Variants in EPRS1 observed in about 807,000 individuals in gnomAD.
EPRS1 encodes glutamyl-prolyl-tRNA synthetase 1.
Under a neutral mutation model 188.3 loss-of-function variants are expected in EPRS1, and 107 were observed. The ratio of observed to expected loss-of-function variants is 0.57; its 90% confidence interval spans 0.49 to 0.67. The LOEUF (loss-of-function observed/expected upper bound fraction) is 0.67. Ranked by LOEUF, EPRS1 falls within the 30% of genes least tolerant of loss-of-function variation. The pLI is 0.00. For synonymous variants in EPRS1, 596 were observed against 593.1 expected, an observed-to-expected ratio of 1.00 and a Z score of -0.07; for missense variants, 1,577 against 1,802.2, an observed-to-expected ratio of 0.88 and a Z score of 2.26.
chr1:219,985,049 GAAAAAAA>G (rs1305874124), intron 20 of EPRS1, among the ~76,000 whole-genome samples: 1 of 95,216 alleles, frequency 1.1e-5, no homozygotes, highest in East Asian at 3.1e-4. Flanking sequence ...CGTCTCAAAA[GAAAAAAA>G]AAAAAAAAAG....
chr1:220,011,759 G>T (rs2102583941), intron 12 of EPRS1, among the ~76,000 whole-genome samples: 1 of 152,270 alleles, frequency 6.6e-6, no homozygotes, highest in South Asian at 2.1e-4. Flanking sequence ...CAAATCATCA[G>T]TAGCATCCCC....
rs572329162 is a variant in EPRS1 at position 220,032,332 on chromosome 1, C to A, written c.528+55G>T. 4.1e-6 allele frequency: 6 copies of A among 1,456,382 alleles called. No homozygotes were observed. In the Admixed American group the frequency reaches 1.1e-4, roughly 27 times the overall value. 90.2% of individuals were successfully genotyped at this position (1,456,382 alleles called of 1,614,324 possible). On this transcript the variant is annotated intron_variant, in intron 5 of 31. Coordinates refer to ENST00000366923, the MANE Select transcript of EPRS1 (RefSeq NM_004446.3). ...CAATCTCCTGACCTTGTGATCCGCC[C>A]GCCTCAGCCTCCCAAAGTGTTTTTT...
intron 12 of EPRS1, among the ~76,000 whole-genome samples, chr1:220,017,794 T>C (rs1051814119): frequency 6.6e-6 from 1 of 151,244 alleles, no homozygotes; most frequent in African/African-American, 2.4e-5. Context: ...TAAGAAACAG[T>C]TAAAAAAAAA....
At position 220,039,364 on chromosome 1, in the gene EPRS1, C is replaced by A. The variant is rs569845292; in HGVS notation, c.131+821G>T. Reference sequence around the variant, plus strand: ...TTGCAGATGGGCTCTCAAAGCTAGACCTCTAGTTCCTTTTAAACAGACTAC... The same window carrying A: ...TTGCAGATGGGCTCTCAAAGCTAGAACTCTAGTTCCTTTTAAACAGACTAC... On this transcript the variant is annotated intron_variant, in intron 2 of 31. Coordinates refer to ENST00000366923, the MANE Select transcript of EPRS1 (RefSeq NM_004446.3). Among the ~76,000 whole-genome samples, 12 of 152,248 alleles carry A rather than the reference C, an allele frequency of 7.9e-5. No individual in the cohort carries two copies. In the East Asian group the frequency reaches 2.3e-3, roughly 29 times the overall value.
chr1:219,969,297 T>C (rs1198272397), intron 30 of EPRS1, 175 bp from the exon 31 acceptor site: 9 of 600,504 alleles, frequency 1.5e-5, no homozygotes, highest in Non-Finnish European at 3.0e-6. Flanking sequence ...TTATAAAAGA[T>C]AGGAAAGAAT....
Position 220,040,066 on chromosome 1 carries a change from G to A in EPRS1, c.131+119C>T, listed in dbSNP as rs908778218. 3.8e-5 allele frequency: 25 copies of A among 649,676 alleles called. No homozygotes were observed. The African/African-American group carries it at 4.4e-4, about 11-fold the overall frequency. The allele number at this position is 649,676 out of a possible 1,614,324, so 40.2% of individuals were successfully genotyped here. A position where few individuals can be genotyped will look rare whatever the true frequency, so the allele number is the denominator to read the frequency against. The stretch of plus-strand genomic sequence containing the variant: ...CAGGATCCTGAGTCCACGAGTTCTA[G>A]GTACAGTGAGCTATGATCATGCCAG... On this transcript the variant is annotated intron_variant, in intron 2 of 31. Coordinates refer to ENST00000366923, the MANE Select transcript of EPRS1 (RefSeq NM_004446.3).
At chr1:220,023,385 T>A (rs1661913120) in intron 8 of EPRS1, among the ~76,000 whole-genome samples, 1 of 152,190 alleles carries the variant, frequency 6.6e-6, no homozygotes, top group East Asian at 1.9e-4. Context: ...TTATAACTAT[T>A]TTAATTTACT....
intron 12 of EPRS1, among the ~76,000 whole-genome samples, chr1:220,015,151 T>G (rs1259367931): frequency 6.6e-6 from 1 of 151,462 alleles, no homozygotes; most frequent in African/African-American, 2.4e-5. Context: ...GGAGAAGAAA[T>G]ACACAATAGA....
chr1:220,004,881 G>A (rs1307699040), intron 16 of EPRS1, among the ~76,000 whole-genome samples: 1 of 151,820 alleles, frequency 6.6e-6, no homozygotes, highest in Non-Finnish European at 1.5e-5. Context: ...CTAAATGTAT[G>A]CTGTTTGTAC....
chr1:220,002,242 G>A lies in EPRS1; in HGVS notation c.2064-987C>T, dbSNP rs147964148. ...AGCTACTTTGGAGGCTGGGGCAGGA[G>A]AATCGCTTGAACCCAGGAGATGGAG... On this transcript the variant is annotated intron_variant, in intron 16 of 31. Transcript: ENST00000366923. 5.1e-3 allele frequency among the ~76,000 whole-genome samples: 775 copies of A among 151,764 alleles called. 8 individuals carry two copies. The highest frequency in any genetic ancestry group is 0.018 in the African/African-American group (752 of 41,408).
At chr1:220,037,975 A>G (rs568261950) in intron 2 of EPRS1, among the ~76,000 whole-genome samples, 3 of 152,224 alleles carry the variant, frequency 2.0e-5, no homozygotes, top group African/African-American at 7.2e-5. Context: ...AATGACAATT[A>G]TGGTACAACT....
chr1:220,009,476 C>G (rs552594299), intron 13 of EPRS1, among the ~76,000 whole-genome samples: 33 of 151,972 alleles, frequency 2.2e-4, no homozygotes, highest in African/African-American at 7.5e-4. Flanking sequence ...TGAAACCCTG[C>G]CTCTATAAAT....
intron 20 of EPRS1, among the ~76,000 whole-genome samples, chr1:219,986,142 C>T (rs1661002130): frequency 6.6e-6 from 1 of 152,132 alleles, no homozygotes; most frequent in Non-Finnish European, 1.5e-5. Flanking sequence ...CTCAGCTAAA[C>T]AAATGTAAAA....
At chr1:219,971,696 A>T (rs1378874145) in intron 30 of EPRS1, among the ~76,000 whole-genome samples, 1 of 149,784 alleles carries the variant, frequency 6.7e-6, no homozygotes, top group East Asian at 2.0e-4. Context: ...ACATGGGGAA[A>T]AAAAAACTTA....
rs773363561 is a variant in EPRS1 at position 219,981,393 on chromosome 1, C to T, written c.3438G>A (p.Gln1146=). The change falls in exon 24 of 32, where the codon CAG becomes CAA. Residue 1146 remains glutamine (Q), a synonymous_variant. Coordinates refer to ENST00000366923, the MANE Select transcript of EPRS1 (RefSeq NM_004446.3). ...SHRDLPIKLN[Q]WCNVVRWEFK... is the part of the protein sequence containing the mutation. ...GAATACCTACCACCACATTGCACCACTGATTGAGCTTGATGGGCAGGTCTC... is the reference window on the plus strand; with the variant it reads ...GAATACCTACCACCACATTGCACCATTGATTGAGCTTGATGGGCAGGTCTC... 9.3e-6 allele frequency: 15 copies of T among 1,607,394 alleles called. No individual in the cohort carries two copies. The South Asian group carries it at 1.4e-4, about 15-fold the overall frequency.
At chr1:220,037,897 A>G (rs1442474075) in intron 2 of EPRS1, among the ~76,000 whole-genome samples, 1 of 152,186 alleles carries the variant, frequency 6.6e-6, no homozygotes, top group Non-Finnish European at 1.5e-5. Flanking sequence ...AAAAGCAATT[A>G]TACTATGTGG....
chr1:220,040,116 T>C (rs1354582049), intron 2 of EPRS1, 69 bp downstream of exon 2: 1 of 998,310 alleles, frequency 1.0e-6, no homozygotes, highest in Non-Finnish European at 1.5e-6. Context: ...GGAGACTCTG[T>C]CTCTAAAAAA....
rs114390475 is a variant in EPRS1, at chr1:220,045,894, G to C, written c.46+449C>G. 3.9e-3 allele frequency among the ~76,000 whole-genome samples: 601 copies of C among 152,336 alleles called. 5 individuals are homozygous for C. Among genetic ancestry groups the C allele is most frequent in the African/African-American group, 0.014 (566 of 41,574 alleles). Reference sequence around the variant, plus strand: ...CTCAAGTGAACTGAGGATTTCTCCTGAGAGGAGGGACAGGACAGGAAAGGA... The same window carrying C: ...CTCAAGTGAACTGAGGATTTCTCCTCAGAGGAGGGACAGGACAGGAAAGGA... On this transcript the variant is annotated intron_variant, in intron 1 of 31. Coordinates refer to ENST00000366923, the MANE Select transcript of EPRS1 (RefSeq NM_004446.3).
At chr1:220,002,676 A>AT (rs1196919850) in intron 16 of EPRS1, among the ~76,000 whole-genome samples, 2 of 152,194 alleles carry the variant, frequency 1.3e-5, no homozygotes, top group East Asian at 3.9e-4. Flanking sequence ...CCTGGGAAAC[A>AT]TGGTGAAACC....
Sources: gnomAD v4.1 joint callset for allele counts (sites outside exome capture counted in the v4.1 genomes callset) on GRCh38, gnomAD v4.1.1 for gene constraint, MANE v1.5 for transcripts, NCBI Gene and HGNC (gene_info 2026-07-23, HGNC 2026-07-21) for gene names.